Variants in SORCS1 observed in about 807,000 individuals in gnomAD.
SORCS1 encodes sortilin related VPS10 domain containing receptor 1.
Under a neutral mutation model 146.1 loss-of-function variants are expected in SORCS1, and 60 were observed. The observed-to-expected ratio is 0.41, with a 90% CI of 0.33 to 0.51. The LOEUF is 0.51. SORCS1 is among the 20% of genes least tolerant of loss of function. The probability of loss-of-function intolerance (pLI) is 0.21; values close to 1 mark genes in which losing one functional copy is unlikely to be tolerated. For missense variants in SORCS1, 1,352 were observed against 1,487.6 expected (o/e 0.91, Z 1.50); for synonymous variants, 637 against 584.0 (o/e 1.09, Z -1.31).
At chr10:106,705,757 T>C (rs190423680) in intron 8 of SORCS1, among the ~76,000 whole-genome samples, 3 of 152,276 alleles carry the variant, frequency 2.0e-5, no homozygotes, top group Admixed American at 1.3e-4. Flanking sequence ...CAGTTTGACC[T>C]CCACTAGGTG....
rs116257808 is a variant in SORCS1, at chr10:107,159,790, G to C, written c.558+4179C>G. 3.3e-5 allele frequency among the ~76,000 whole-genome samples: 5 copies of C among 151,826 alleles called. No individual in the cohort carries two copies. The East Asian group carries it at 9.7e-4, about 29-fold the overall frequency. Reference sequence around the variant, plus strand: ...GAAGGAATTACGTGGACTTGCTAGAGAAAGCTAAAATCTTTCATCATTTTA... The same window carrying C: ...GAAGGAATTACGTGGACTTGCTAGACAAAGCTAAAATCTTTCATCATTTTA... On this transcript the variant is annotated intron_variant, in intron 1 of 25. Coordinates refer to ENST00000263054, the MANE Select transcript of SORCS1 (RefSeq NM_052918.5).
chr10:106,990,793 GTTAAAA>G (rs1330273791), intron 1 of SORCS1, among the ~76,000 whole-genome samples: 1 of 152,170 alleles, frequency 6.6e-6, no homozygotes, highest in African/African-American at 2.4e-5. Context: ...TGAGTACACT[GTTAAAA>G]TTAAACAGAC....
intron 2 of SORCS1, among the ~76,000 whole-genome samples, chr10:106,885,931 G>A (rs893110783): frequency 3.3e-5 from 5 of 152,056 alleles, no homozygotes; most frequent in African/African-American, 1.2e-4. Flanking sequence ...CCATGATTGT[G>A]AGGCCCCTCT....
intron 18 of SORCS1, among the ~76,000 whole-genome samples, chr10:106,651,555 A>G (rs918972863): frequency 8.5e-5 from 13 of 152,204 alleles, no homozygotes; most frequent in African/African-American, 2.4e-4. Context: ...TTGGAAGTCA[A>G]TGTTATGTAT....
chr10:106,651,324 T>G (rs1051316190), intron 18 of SORCS1, among the ~76,000 whole-genome samples: 1 of 152,188 alleles, frequency 6.6e-6, no homozygotes, highest in Non-Finnish European at 1.5e-5. Flanking sequence ...CTCCGACTTC[T>G]CTATACCCCA....
chr10:106,588,094 T>C (rs1020344581), intron 24 of SORCS1, among the ~76,000 whole-genome samples: 2 of 152,200 alleles, frequency 1.3e-5, no homozygotes, highest in Admixed American at 6.5e-5. Flanking sequence ...TTTGTTTAAC[T>C]CTCATAAAAC....
intron 2 of SORCS1, among the ~76,000 whole-genome samples, chr10:106,831,700 T>C (rs1244672117): frequency 6.8e-6 from 1 of 147,110 alleles, no homozygotes; most frequent in Non-Finnish European, 1.5e-5. Flanking sequence ...TAAGGATTTA[T>C]TCTGGCTGGA....
chr10:107,016,363 G>A (rs910928062), intron 1 of SORCS1, among the ~76,000 whole-genome samples: 8 of 152,160 alleles, frequency 5.3e-5, no homozygotes, highest in African/African-American at 1.2e-4. Flanking sequence ...AATTAGCCAG[G>A]TGCAGTGGTG....
In SORCS1 at chr10:107,139,344, GA is replaced by G. The variant is rs1050873711; in HGVS notation, c.558+24624del. Among the ~76,000 whole-genome samples the G allele has an allele frequency of 5.3e-5, 8 of 150,868 alleles. 1 individual carries two copies. The highest frequency in any genetic ancestry group is 4.2e-4 in the South Asian group (2 of 4,770). ...GATTGGCTTATTTGGAAACTCTGAAGAAAAAAAAAGTCAAGACAAAATGCAA... is the reference window on the plus strand; with the variant it reads ...GATTGGCTTATTTGGAAACTCTGAAGAAAAAAAAGTCAAGACAAAATGCAA... On this transcript the variant is annotated intron_variant, in intron 1 of 25. Transcript: ENST00000263054.
At chr10:106,938,763 A>C (rs1953880382) in intron 2 of SORCS1, among the ~76,000 whole-genome samples, 1 of 152,228 alleles carries the variant, frequency 6.6e-6, no homozygotes, top group Admixed American at 6.5e-5. Flanking sequence ...ATGTCATATC[A>C]GCATCAGAAC....
intron 1 of SORCS1, among the ~76,000 whole-genome samples, chr10:107,117,878 A>C (rs1488077781): frequency 6.6e-6 from 1 of 152,158 alleles, no homozygotes; most frequent in Non-Finnish European, 1.5e-5. Context: ...TACCTAATTT[A>C]GAAGAGACTT....
rs139184773 is a variant in SORCS1, at chr10:107,138,970, T to C, written c.558+24999A>G. ...TTTCCTCTTCTCTAGCCACGTAAGATGGAGTTTTGTGTGAGAAATTCCTCT... is the reference window on the plus strand; with the variant it reads ...TTTCCTCTTCTCTAGCCACGTAAGACGGAGTTTTGTGTGAGAAATTCCTCT... On this transcript the variant is annotated intron_variant, in intron 1 of 25. Coordinates refer to ENST00000263054, the MANE Select transcript of SORCS1 (RefSeq NM_052918.5). 1.9e-3 allele frequency among the ~76,000 whole-genome samples: 283 copies of C among 152,326 alleles called. 1 individual carries two copies. Among genetic ancestry groups the C allele is most frequent in the African/African-American group, 4.7e-3 (197 of 41,586 alleles).
chr10:106,620,198 A>G, intron 20 of SORCS1: 1 of 436,488 alleles, frequency 2.3e-6, no homozygotes, highest in Non-Finnish European at 4.0e-6. Context: ...CTGGAGAAAA[A>G]CGTAAACATA....
chr10:106,830,416 T>C (rs543351731), intron 2 of SORCS1, among the ~76,000 whole-genome samples: 5 of 152,292 alleles, frequency 3.3e-5, no homozygotes, highest in Admixed American at 6.5e-5. Context: ...CTATGTACAA[T>C]AGGGATTATT....
chr10:106,630,937 C>T (rs1449322261), intron 18 of SORCS1, among the ~76,000 whole-genome samples: 1 of 151,944 alleles, frequency 6.6e-6, no homozygotes, highest in Non-Finnish European at 1.5e-5. Flanking sequence ...AAACCAGCTT[C>T]CTTCACACAC....
At chr10:107,049,836 G>A (rs1043685046) in intron 1 of SORCS1, among the ~76,000 whole-genome samples, 2 of 152,072 alleles carry the variant, frequency 1.3e-5, no homozygotes, top group African/African-American at 4.8e-5. Context: ...GGATTTTTAG[G>A]AGTAAAAATT....
At chr10:106,591,788 C>T (rs1451717147) in intron 24 of SORCS1, among the ~76,000 whole-genome samples, 1 of 152,086 alleles carries the variant, frequency 6.6e-6, no homozygotes, top group Non-Finnish European at 1.5e-5. Context: ...AGATGTTGTC[C>T]AGGCAAATGT....
chr10:106,630,351 GGAGTAGGCAATCT>G (rs1252846103), intron 18 of SORCS1, among the ~76,000 whole-genome samples: 1 of 152,156 alleles, frequency 6.6e-6, no homozygotes, highest in African/African-American at 2.4e-5. Context: ...TCTGGAGAGA[GGAGTAGGCAATCT>G]TCTCCCACTT....
At chr10:106,886,867 T>C (rs999152781) in intron 2 of SORCS1, among the ~76,000 whole-genome samples, 1 of 152,240 alleles carries the variant, frequency 6.6e-6, no homozygotes, top group African/African-American at 2.4e-5. Context: ...CTAGAGTAGT[T>C]GTCTTCAGCA....
Sources: allele counts gnomAD v4.1 joint callset (sites outside exome capture counted in the v4.1 genomes callset), GRCh38; gene constraint gnomAD v4.1.1; transcripts MANE v1.5; gene names NCBI Gene and HGNC (gene_info 2026-07-23, HGNC 2026-07-21).